LPA: variants seen among roughly 807,000 people sequenced by gnomAD.
The protein encoded by LPA is lipoprotein(a).
A neutral mutation model predicts 197.9 loss-of-function variants in LPA; 199 were observed. That is an observed-to-expected ratio of 1.01 (90% confidence interval 0.90 to 1.13). LPA has a LOEUF of 1.13. Among genes scored for constraint, LPA ranks in the 50% most tolerant of loss-of-function variants. LPA has a pLI of 0.00. For missense variants in LPA, 1,853 were observed against 1,785.8 expected, an observed-to-expected ratio of 1.04 and a Z score of -0.68; for synonymous variants, 715 against 639.5, an observed-to-expected ratio of 1.12 and a Z score of -1.78.
At chr6:160,608,819 TTGTG>T (rs10526739) in intron 16 of LPA, among the ~76,000 whole-genome samples, 85 of 149,448 alleles carry the variant, frequency 5.7e-4, no homozygotes, top group Admixed American at 1.3e-3. Flanking sequence ...TTCTTGAGGG[TTGTG>T]TGTGTGTGTG....
Position 160,547,517 on chromosome 6 carries a change from A to C in LPA, c.5304+272T>G, listed in dbSNP as rs551800053. On this transcript the variant is annotated intron_variant, in intron 32 of 38. Transcript: ENST00000316300. The stretch of plus-strand genomic sequence containing the variant: ...CAGTTCCAGTACCAGTACCAGTACC[A>C]GTACTGGAGTGGGGACCCCTGGCTT... 1.3e-4 allele frequency among the ~76,000 whole-genome samples: 20 copies of C among 152,272 alleles called. No individual in the cohort carries two copies. The South Asian group carries it at 1.5e-3, about 11-fold the overall frequency.
In LPA at chr6:160,606,511, G is replaced by T; in HGVS notation, c.2751C>A (p.Thr917=). The change falls in exon 17 of 39, where the codon ACC becomes ACA. Residue 917 remains threonine, a synonymous_variant. Coordinates refer to ENST00000316300, the MANE Select transcript of LPA (RefSeq NM_005577.4). ...AAGGAGCCTCTAGGCTTGGAATCGG[G>T]GTAATAGTTGGAGGCGCGACGGCAG... ...EGTAVAPPTI[T]PIPSLEAPSE... 1 of 1,613,574 alleles carries T rather than the reference G, an allele frequency of 6.2e-7. No individual in the cohort carries two copies. The highest frequency in any genetic ancestry group is 8.5e-7 in the Non-Finnish European group (1 of 1,179,896).
chr6:160,649,725 G>A lies in LPA; in HGVS notation c.209+613C>T, dbSNP rs543751342. ...ACTTATGTGTGAAAGACTGGCCATG[G>A]TGTGGTCAGACCCCAGCTTCTGTCT... On this transcript the variant is annotated intron_variant, in intron 2 of 38. Coordinates refer to ENST00000316300, the MANE Select transcript of LPA (RefSeq NM_005577.4). 1.3e-4 allele frequency among the ~76,000 whole-genome samples: 20 copies of A among 152,242 alleles called. No individual in the cohort carries two copies. The East Asian group carries it at 3.7e-3, about 28-fold the overall frequency.
chr6:160,547,043 G>A (rs1778083280), intron 32 of LPA, among the ~76,000 whole-genome samples: 2 of 152,074 alleles, frequency 1.3e-5, no homozygotes, highest in East Asian at 3.9e-4. Flanking sequence ...TTCATAAAAG[G>A]CAATTTTTCT....
chr6:160,573,769 T>G (rs571991211), intron 28 of LPA, among the ~76,000 whole-genome samples: 3 of 152,314 alleles, frequency 2.0e-5, no homozygotes, highest in African/African-American at 7.2e-5. Context: ...AGTCCTGTGA[T>G]GTGAACCATC....
intron 28 of LPA, among the ~76,000 whole-genome samples, chr6:160,570,719 A>T (rs1482760490): frequency 6.6e-6 from 1 of 152,194 alleles, no homozygotes; most frequent in East Asian, 1.9e-4. Context: ...TGTTAGTCTG[A>T]TGGGGTTCCC....
chr6:160,555,315 GTGTGTGTA>G (rs1284120133), intron 30 of LPA, among the ~76,000 whole-genome samples: 1 of 141,902 alleles, frequency 7.0e-6, no homozygotes, highest in East Asian at 2.0e-4. Context: ...GTGTGTGTGT[GTGTGTGTA>G]TGTGTGTGTG....
intron 22 of LPA, 146 bp from the exon 23 acceptor site, chr6:160,591,247 C>T: frequency 9.6e-7 from 1 of 1,038,006 alleles, no homozygotes; most frequent in Non-Finnish European, 1.4e-6. Context: ...ACAAATCGTC[C>T]TCAACTTCTA....
rs1491277199 is a variant in LPA at position 160,654,019 on chromosome 6, TAA to T, written c.50-3524_50-3523del. The stretch of plus-strand genomic sequence containing the variant: ...TATTATATATAATATATATTATATA[TAA>T]TATATAATATATATTATATATAATA... On this transcript the variant is annotated intron_variant, in intron 1 of 38. Coordinates refer to ENST00000316300, the MANE Select transcript of LPA (RefSeq NM_005577.4). Among the ~76,000 whole-genome samples, 4 of 8,976 alleles carry T rather than the reference TAA, an allele frequency of 4.5e-4. 1 individual carries two copies. Among genetic ancestry groups the T allele is most frequent in the African/African-American group, 2.0e-3 (4 of 2,020 alleles). The allele number at this position is 8,976 out of a possible 152,430, so 5.9% of individuals were successfully genotyped here.
intron 28 of LPA, among the ~76,000 whole-genome samples, chr6:160,565,238 T>A (rs1778430620): frequency 6.6e-6 from 1 of 152,196 alleles, no homozygotes; most frequent in Non-Finnish European, 1.5e-5. Context: ...AGTGGGTCCG[T>A]GACCCCCGAG....
At chr6:160,553,635 T>G (rs2115008318) in intron 30 of LPA, among the ~76,000 whole-genome samples, 1 of 152,242 alleles carries the variant, frequency 6.6e-6, no homozygotes, top group East Asian at 1.9e-4. Context: ...TTATCCTTGT[T>G]ATCTTTGATG....
intron 16 of LPA, among the ~76,000 whole-genome samples, chr6:160,610,214 C>A (rs763978764): frequency 6.6e-6 from 1 of 152,006 alleles, no homozygotes; most frequent in East Asian, 1.9e-4. Flanking sequence ...CTGGGGATAC[C>A]GCATAGCTGA....
chr6:160,652,062 T>C (rs1218305275), intron 1 of LPA, among the ~76,000 whole-genome samples: 1 of 142,108 alleles, frequency 7.0e-6, no homozygotes, highest in Non-Finnish European at 1.5e-5. Context: ...TGAAGCAATA[T>C]GAATGATCTA....
At position 160,650,361 on chromosome 6, in the gene LPA, C is replaced by A. The variant is rs1779980745; in HGVS notation, c.186G>T (p.Arg62Ser). Residue 62 changes from arginine (R) to serine (S), a missense_variant, in exon 2 of 39, where the codon AGG becomes AGT. Coordinates refer to ENST00000316300, the MANE Select transcript of LPA (RefSeq NM_005577.4). ...ACGCATTTGGGTAGTTTTCTGTGGTCCTATTATGTTGATGTGGTGTCATAG... is the reference window on the plus strand; with the variant it reads ...ACGCATTTGGGTAGTTTTCTGTGGTACTATTATGTTGATGTGGTGTCATAG... The part of the protein sequence containing the change: ...WSSMTPHQHN[R>S]TTENYPNAGL... The A allele has an allele frequency of 6.2e-7, 1 of 1,613,690 alleles. No individual in the cohort carries two copies. Among genetic ancestry groups the A allele is most frequent in the South Asian group, 1.1e-5 (1 of 91,074 alleles).
rs751525672 is a variant in LPA at position 160,606,608 on chromosome 6, T to C, written c.2654A>G (p.Tyr885Cys). ...CRNPDPVAAP[Y>C]CYTRDPSVRW... ...GACACTGGGATCCCTCGTATAACAA[T>C]AAGGGGCTGCCACAGGATCTGGATT... is the stretch of plus-strand genomic sequence containing the variant. The change falls in exon 17 of 39, where the codon TAT (tyrosine) becomes TGT (cysteine). Residue 885 changes from tyrosine to cysteine, a missense_variant. Physicochemically the swap from Tyr to Cys is radical, Grantham distance 194. Coordinates refer to ENST00000316300, the MANE Select transcript of LPA (RefSeq NM_005577.4). 2 of 1,613,914 alleles carry C rather than the reference T, an allele frequency of 1.2e-6. No individual in the cohort carries two copies. Among genetic ancestry groups the C allele is most frequent in the South Asian group, 2.2e-5 (2 of 91,062 alleles).
intron 28 of LPA, among the ~76,000 whole-genome samples, chr6:160,571,211 C>A (rs1351626272): frequency 6.6e-6 from 1 of 152,176 alleles, no homozygotes; most frequent in Non-Finnish European, 1.5e-5. Context: ...TGTTTTTCAG[C>A]TCCCTAAGGT....
chr6:160,605,096 T>A lies in LPA; in HGVS notation c.2895A>T (p.Ser965=), dbSNP rs755973519. 1.2e-6 allele frequency: 2 copies of A among 1,613,944 alleles called. No homozygotes were observed. Among genetic ancestry groups the A allele is most frequent in the African/African-American group, 2.7e-5 (2 of 75,034 alleles). Residue 965 remains serine, a synonymous_variant, in exon 18 of 39, where the codon TCA becomes TCT. Transcript: ENST00000316300. Reference sequence around the variant, plus strand: ...GACTATGCGAGTGTGGTGTCATAGATGACCAAGCTTGGCAGGTTCTTCCTG... The same window carrying A: ...GACTATGCGAGTGTGGTGTCATAGAAGACCAAGCTTGGCAGGTTCTTCCTG... The part of the protein sequence containing the change: ...TVTGRTCQAW[S]SMTPHSHSRT...
At chr6:160,534,243 A>G (rs767213475) in intron 37 of LPA, among the ~76,000 whole-genome samples, 4 of 152,340 alleles carry the variant, frequency 2.6e-5, no homozygotes, top group South Asian at 2.1e-4. Context: ...CACCCTTCTC[A>G]AAATATTTTG....
chr6:160,565,528 C>T (rs569157950), intron 28 of LPA, among the ~76,000 whole-genome samples: 2 of 152,262 alleles, frequency 1.3e-5, no homozygotes, highest in Admixed American at 1.3e-4. Flanking sequence ...CTGTACATCA[C>T]CATCATCAAG....
Sources: gnomAD v4.1 joint callset for allele counts (sites outside exome capture counted in the v4.1 genomes callset) on GRCh38, gnomAD v4.1.1 for gene constraint, MANE v1.5 for transcripts, NCBI Gene and HGNC (gene_info 2026-07-23, HGNC 2026-07-21) for gene names.